The following ABCB11 variants were observed in gnomAD, a reference collection of about 807,000 sequenced individuals.
ABCB11 encodes the protein ATP binding cassette subfamily B member 11, also known as bile salt export pump.
A neutral mutation model predicts 148.0 loss-of-function variants in ABCB11; 95 were observed. The ratio of observed to expected loss-of-function variants is 0.64; its 90% CI spans 0.54 to 0.76. ABCB11 has a LOEUF of 0.76. Among genes scored for constraint, ABCB11 ranks in the 30% least tolerant of loss-of-function variants. ABCB11 has a pLI of 0.00. For synonymous variants in ABCB11, 591 were observed against 555.4 expected (o/e 1.06, Z -0.90); for missense variants, 1,523 against 1,617.8 (o/e 0.94, Z 1.01).
chr2:168,963,762 C>T (rs1693177528), intron 18 of ABCB11, among the ~76,000 whole-genome samples: 1 of 151,738 alleles, frequency 6.6e-6, no homozygotes, highest in Non-Finnish European at 1.5e-5. Flanking sequence ...AAGGGCTAGC[C>T]TATTCAAACA....
At chr2:168,967,491 T>C (rs185606513) in intron 17 of ABCB11, among the ~76,000 whole-genome samples, 1 of 152,096 alleles carries the variant, frequency 6.6e-6, no homozygotes, top group Non-Finnish European at 1.5e-5. Flanking sequence ...TGAATAAATC[T>C]GCGTTTGAAC....
chr2:168,930,528 T>C (rs1691517262), intron 25 of ABCB11, 137 bp downstream of exon 25: 1 of 576,302 alleles, frequency 1.7e-6, no homozygotes, highest in South Asian at 6.7e-5. Context: ...TGACTGGGAC[T>C]GGAAAATATG....
intron 19 of ABCB11, among the ~76,000 whole-genome samples, chr2:168,945,337 G>A (rs772168497): frequency 3.1e-4 from 47 of 151,854 alleles, no homozygotes; most frequent in Non-Finnish European, 4.7e-4. Context: ...GTAATTAAAC[G>A]AAAGTTAGCT....
At chr2:168,945,180 G>A (rs1692246619) in intron 19 of ABCB11, among the ~76,000 whole-genome samples, 1 of 151,804 alleles carries the variant, frequency 6.6e-6, no homozygotes, top group Admixed American at 6.6e-5. Context: ...ATTCTGGTGG[G>A]AGATGTTGAT....
intron 18 of ABCB11, among the ~76,000 whole-genome samples, chr2:168,961,885 T>C (rs1374394444): frequency 6.6e-6 from 1 of 151,670 alleles, no homozygotes. Flanking sequence ...TTTCCCAATC[T>C]ACAGAAAGTA....
intron 23 of ABCB11, 27 bp downstream of exon 23, chr2:168,935,157 T>G: frequency 6.2e-7 from 1 of 1,612,590 alleles, no homozygotes. Flanking sequence ...TGTTGATCTT[T>G]TCTCACCTTG....
chr2:168,998,460 C>T (rs543705185), intron 5 of ABCB11, among the ~76,000 whole-genome samples: 50 of 152,124 alleles, frequency 3.3e-4, no homozygotes, highest in Non-Finnish European at 6.8e-4. Context: ...AATGTCCTCA[C>T]CACAACGACA....
At chr2:168,954,036 G>A (rs983765931) in intron 19 of ABCB11, among the ~76,000 whole-genome samples, 1 of 151,596 alleles carries the variant, frequency 6.6e-6, no homozygotes, top group African/African-American at 2.4e-5. Flanking sequence ...CATGTTGTCA[G>A]GACTTCCAGA....
chr2:168,980,413 T>A (rs1057459188), intron 10 of ABCB11, among the ~76,000 whole-genome samples: 4 of 152,130 alleles, frequency 2.6e-5, no homozygotes, highest in African/African-American at 9.7e-5. Flanking sequence ...GGCTGGTACA[T>A]GCAAAACCAA....
At chr2:168,978,132 C>CT (rs35964117) in intron 11 of ABCB11, among the ~76,000 whole-genome samples, 2,937 of 53,148 alleles carry the variant, frequency 0.055, 930 homozygotes, top group Non-Finnish European at 0.073. Context: ...AATAAATTGA[C>CT]TTTTTTTTTT....
chr2:168,964,557 G>A (rs1309937700), intron 17 of ABCB11, among the ~76,000 whole-genome samples: 1 of 151,636 alleles, frequency 6.6e-6, no homozygotes, highest in Non-Finnish European at 1.5e-5. Flanking sequence ...TAGTCAGGGA[G>A]GGAGAAAGAG....
At chr2:169,002,942 T>A (rs910577842) in intron 5 of ABCB11, among the ~76,000 whole-genome samples, 2 of 152,128 alleles carry the variant, frequency 1.3e-5, no homozygotes, top group African/African-American at 2.4e-5. Flanking sequence ...GTACATTTTA[T>A]TATTTTTAAA....
chr2:169,001,167 A>G (rs927551503), intron 5 of ABCB11, among the ~76,000 whole-genome samples: 4 of 152,148 alleles, frequency 2.6e-5, no homozygotes, highest in Admixed American at 2.6e-4. Context: ...CACACATCAG[A>G]CAGTGTCAGA....
At chr2:168,945,071 T>C (rs1692242274) in intron 19 of ABCB11, 110 bp from the exon 20 acceptor site, 17 of 729,542 alleles carry the variant, frequency 2.3e-5, no homozygotes, top group Middle Eastern at 4.1e-4. Flanking sequence ...TCTGTCCAAA[T>C]TCATAAAATA....
chr2:168,996,587 C>T (rs187785369), intron 6 of ABCB11, 48 bp downstream of exon 6: 238 of 1,161,640 alleles, frequency 2.0e-4, no homozygotes, highest in Middle Eastern at 4.1e-4. Flanking sequence ...ATTGTAGTGT[C>T]TTTGAGGTCA....
intron 21 of ABCB11, among the ~76,000 whole-genome samples, chr2:168,942,497 AC>A (rs1481230568): frequency 8.0e-5 from 3 of 37,514 alleles, no homozygotes. Context: ...AAGAATTAAA[AC>A]AAAGGGTGCA....
chr2:168,997,172 G>C (rs1330180543), intron 5 of ABCB11, among the ~76,000 whole-genome samples: 1 of 152,024 alleles, frequency 6.6e-6, no homozygotes, highest in Non-Finnish European at 1.5e-5. Flanking sequence ...GAAACTGATA[G>C]AACGATGTGT....
intron 5 of ABCB11, among the ~76,000 whole-genome samples, chr2:169,010,098 A>G (rs890940091): frequency 6.6e-6 from 1 of 152,180 alleles, no homozygotes; most frequent in African/African-American, 2.4e-5. Flanking sequence ...CAATATTCAC[A>G]CTTGTTTAGA....
At chr2:168,960,847 C>CA (rs1360774090) in intron 18 of ABCB11, among the ~76,000 whole-genome samples, 2 of 151,558 alleles carry the variant, frequency 1.3e-5, no homozygotes. Flanking sequence ...TCTGATTTTG[C>CA]AAAATTAAAC....
Sources: gnomAD v4.1 joint callset for allele counts (sites outside exome capture counted in the v4.1 genomes callset) on GRCh38, gnomAD v4.1.1 for gene constraint, MANE v1.5 for transcripts, NCBI Gene and HGNC (gene_info 2026-07-23, HGNC 2026-07-21) for gene names.